Variants in IL1RAPL2 observed in about 807,000 individuals in gnomAD.
The protein encoded by IL1RAPL2 is X-linked interleukin-1 receptor accessory protein-like 2.
In IL1RAPL2, 3 loss-of-function variants were observed where a neutral mutation model predicts 44.1. The observed-to-expected ratio is 0.07, with a 90% CI of 0.03 to 0.18. The LOEUF (loss-of-function observed/expected upper bound fraction) is 0.18, where lower values mean the gene tolerates loss of function less well. Among genes scored for constraint, IL1RAPL2 ranks in the 10% least tolerant of loss-of-function variants. The pLI is 1.00. For synonymous variants in IL1RAPL2, 181 were observed against 178.8 expected, an observed-to-expected ratio of 1.01 and a Z score of -0.10; for missense variants, 391 against 496.4, an observed-to-expected ratio of 0.79 and a Z score of 2.02.
intron 6 of IL1RAPL2, among the ~76,000 whole-genome samples, chrX:105,622,689 T>A (rs967621096): frequency 9.0e-6 from 1 of 111,660 alleles, no homozygotes; most frequent in Non-Finnish European, 1.9e-5. Context: ...AGTGCTGAGT[T>A]TCAGAAAAGG....
intron 2 of IL1RAPL2, among the ~76,000 whole-genome samples, chrX:104,801,987 C>T (rs1442407742): frequency 9.0e-6 from 1 of 111,407 alleles, no homozygotes; most frequent in Non-Finnish European, 1.9e-5. Flanking sequence ...TTCCTACCAT[C>T]CCTTAATAAG....
rs140141804 is a variant in IL1RAPL2, at chrX:105,252,354, A to G, written c.544-15034A>G. On this transcript the variant is annotated intron_variant, in intron 4 of 10. Transcript: ENST00000372582. ...ATTGATGACCATTTGGATTGTTGCCATTTTTTGATTAGGAATAAAACTGTT... is the reference window on the plus strand; with the variant it reads ...ATTGATGACCATTTGGATTGTTGCCGTTTTTTGATTAGGAATAAAACTGTT... Among the ~76,000 whole-genome samples the G allele has an allele frequency of 5.0e-3, 562 of 111,701 alleles. 4 individuals are homozygous for G. The highest frequency in any genetic ancestry group is 0.017 in the African/African-American group (540 of 30,871).
At chrX:105,230,905 C>T (rs189192796) in intron 3 of IL1RAPL2, among the ~76,000 whole-genome samples, 1 of 111,794 alleles carries the variant, frequency 8.9e-6, no homozygotes, top group African/African-American at 3.3e-5. Context: ...GATTGGTCCT[C>T]TACTTTAGTC....
At chrX:105,580,083 T>G (rs1316588295) in intron 6 of IL1RAPL2, among the ~76,000 whole-genome samples, 1 of 111,861 alleles carries the variant, frequency 8.9e-6, no homozygotes, top group African/African-American at 3.3e-5. Context: ...ATCTTTACAC[T>G]CCACACTCAG....
chrX:104,801,882 C>T (rs775256895), intron 2 of IL1RAPL2, among the ~76,000 whole-genome samples: 51 of 111,588 alleles, frequency 4.6e-4, no homozygotes, highest in Non-Finnish European at 8.7e-4. Context: ...TGTAAATTTT[C>T]CACCCAGTAG....
In IL1RAPL2 at chrX:105,484,377, T is replaced by A. The variant is rs1198584195; in HGVS notation, c.762T>A (p.Asp254Glu). The change falls in exon 6 of 11, where the codon GAT becomes GAA. Residue 254 changes from aspartate (D) to glutamate (E), a missense_variant. Physicochemically the swap from Asp to Glu is conservative, Grantham distance 45 (BLOSUM62 2). Transcript: ENST00000372582. ...TGGAGAATCAGCCAAGTGTTATAGATGTCCAGCTGGGTAAGTCCCCTCCTT... is the reference window on the plus strand; with the variant it reads ...TGGAGAATCAGCCAAGTGTTATAGAAGTCCAGCTGGGTAAGTCCCCTCCTT... ...FPMENQPSVI[D>E]VQLGKPLNIP... The A allele has an allele frequency of 8.4e-7, 1 of 1,195,388 alleles. No homozygotes were observed. The highest frequency in any genetic ancestry group is 1.1e-6 in the Non-Finnish European group (1 of 880,787).
chrX:105,340,484 A>G (rs1021878587), intron 5 of IL1RAPL2, among the ~76,000 whole-genome samples: 1 of 112,081 alleles, frequency 8.9e-6, no homozygotes, highest in Non-Finnish European at 1.9e-5. Flanking sequence ...CCACAAGGCC[A>G]TATATATCTG....
chrX:105,411,013 T>C lies in IL1RAPL2; in HGVS notation c.698-73300T>C, dbSNP rs186028491. On this transcript the variant is annotated intron_variant, in intron 5 of 10. Coordinates refer to ENST00000372582, the MANE Select transcript of IL1RAPL2 (RefSeq NM_017416.2). The stretch of plus-strand genomic sequence containing the variant: ...AAGATAAAGTTATAAATTAAGGCAA[T>C]AAAATACAAATTATGTGGGAGGAGA... Among the ~76,000 whole-genome samples the C allele has an allele frequency of 1.0e-3, 115 of 111,985 alleles. 1 individual carries two copies. The highest frequency in any genetic ancestry group is 3.6e-3 in the African/African-American group (112 of 30,951).
intron 5 of IL1RAPL2, among the ~76,000 whole-genome samples, chrX:105,319,819 G>A (rs1374001117): frequency 1.8e-5 from 2 of 112,084 alleles, no homozygotes; most frequent in South Asian, 3.7e-4. Context: ...GTGCATGGGA[G>A]TCTGATCTTG....
chrX:104,982,320 C>T (rs1223229862), intron 2 of IL1RAPL2, among the ~76,000 whole-genome samples: 4 of 111,294 alleles, frequency 3.6e-5, no homozygotes, highest in African/African-American at 6.5e-5. Flanking sequence ...CCCTCATCCT[C>T]TCAACCACTT....
chrX:105,715,475 T>C (rs1055788181), intron 6 of IL1RAPL2, among the ~76,000 whole-genome samples: 1 of 111,825 alleles, frequency 8.9e-6, no homozygotes, highest in South Asian at 3.7e-4. Flanking sequence ...CCTCTTGTTC[T>C]AACTACAGAG....
chrX:105,427,031 G>T (rs1385053206), intron 5 of IL1RAPL2, among the ~76,000 whole-genome samples: 2 of 112,720 alleles, frequency 1.8e-5, no homozygotes, highest in South Asian at 7.2e-4. Flanking sequence ...GATTTTTGTT[G>T]TAAATACACC....
chrX:104,947,956 A>G (rs1925438054), intron 2 of IL1RAPL2, among the ~76,000 whole-genome samples: 1 of 111,666 alleles, frequency 9.0e-6, no homozygotes, highest in Admixed American at 9.5e-5. Context: ...CTGTGAAGAA[A>G]GTCATTGGTA....
chrX:105,741,316 A>C (rs982248254), intron 8 of IL1RAPL2, among the ~76,000 whole-genome samples: 8 of 112,042 alleles, frequency 7.1e-5, no homozygotes, highest in African/African-American at 1.6e-4. Context: ...GATAAAAAAC[A>C]GATATACGAA....
intron 2 of IL1RAPL2, among the ~76,000 whole-genome samples, chrX:104,953,819 A>T (rs1925644818): frequency 8.9e-6 from 1 of 111,956 alleles, no homozygotes; most frequent in Non-Finnish European, 1.9e-5. Context: ...GGCAACTTGG[A>T]CACTGGCACA....
chrX:105,099,708 C>T (rs1362286016), intron 2 of IL1RAPL2, among the ~76,000 whole-genome samples: 1 of 108,632 alleles, frequency 9.2e-6, no homozygotes, highest in Non-Finnish European at 1.9e-5. Context: ...CCTTGTGATC[C>T]GCCAGTCTCG....
At chrX:105,043,897 TAAC>T (rs983165202) in intron 2 of IL1RAPL2, among the ~76,000 whole-genome samples, 3 of 112,261 alleles carry the variant, frequency 2.7e-5, no homozygotes, top group Non-Finnish European at 3.8e-5. Context: ...GTCTAAATAA[TAAC>T]AACAAACTAA....
At position 104,925,332 on chromosome X, in the gene IL1RAPL2, G is replaced by A. The variant is rs932552782; in HGVS notation, c.82+266337G>A. 3.6e-5 allele frequency among the ~76,000 whole-genome samples: 4 copies of A among 110,051 alleles called. No homozygotes were observed. The Admixed American group carries it at 3.9e-4, about 11-fold the overall frequency. On this transcript the variant is annotated intron_variant, in intron 2 of 10. Coordinates refer to ENST00000372582, the MANE Select transcript of IL1RAPL2 (RefSeq NM_017416.2). Reference sequence around the variant, plus strand: ...AACTATTCCAAAAAAATCGAGGAGGGAATCCTTCCCAACTCATTCTATGAG... The same window carrying A: ...AACTATTCCAAAAAAATCGAGGAGGAAATCCTTCCCAACTCATTCTATGAG...
Position 105,032,358 on chromosome X carries a change from G to T in IL1RAPL2, c.83-163117G>T, listed in dbSNP as rs770250359. Among the ~76,000 whole-genome samples the T allele has an allele frequency of 3.7e-5, 4 of 107,132 alleles. No homozygotes were observed. The South Asian group carries it at 1.7e-3, about 47-fold the overall frequency. The allele number at this position is 107,132 out of a possible 115,157, so 93.0% of individuals were successfully genotyped here. A position where few individuals can be genotyped will look rare whatever the true frequency, so the allele number is the denominator to read the frequency against. ...GGATCTTTCCTGCTTTCTCTTGTGG[G>T]CATTTAGTGCTATAAATTTCCCTCT... On this transcript the variant is annotated intron_variant, in intron 2 of 10. Coordinates refer to ENST00000372582, the MANE Select transcript of IL1RAPL2 (RefSeq NM_017416.2).
Sources: gnomAD v4.1 joint callset for allele counts (sites outside exome capture counted in the v4.1 genomes callset) on GRCh38, gnomAD v4.1.1 for gene constraint, MANE v1.5 for transcripts, NCBI Gene and HGNC (gene_info 2026-07-23, HGNC 2026-07-21) for gene names.